AMOT: variants seen among roughly 807,000 people sequenced by gnomAD.
AMOT encodes angiomotin.
AMOT carries 11 observed loss-of-function variants against 67.0 expected under a neutral mutation model. The observed-to-expected ratio is 0.16, with a 90% CI of 0.10 to 0.27. The LOEUF is 0.27. Ranked by LOEUF, AMOT falls within the 10% of genes least tolerant of loss-of-function variation. The pLI, the probability that AMOT is intolerant of heterozygous loss-of-function variation, is 1.00. For synonymous variants in AMOT, 326 were observed against 321.4 expected, an observed-to-expected ratio of 1.01 and a Z score of -0.15; for missense variants, 753 against 852.0, an observed-to-expected ratio of 0.88 and a Z score of 1.45.
intron 8 of AMOT, among the ~76,000 whole-genome samples, chrX:112,795,250 G>A (rs7066824): frequency 1.2e-5 from 1 of 86,064 alleles, no homozygotes; most frequent in Non-Finnish European, 2.2e-5. Context: ...CTCTCTCTCT[G>A]TGTGTGTGTG....
At chrX:112,781,180 G>A (rs772413002) in intron 11 of AMOT, 62 bp from the exon 12 acceptor site, 21 of 1,057,344 alleles carry the variant, frequency 2.0e-5, no homozygotes, top group South Asian at 1.2e-4. Flanking sequence ...GGTGGCTTAC[G>A]CCTGTAATCC....
intron 7 of AMOT, among the ~76,000 whole-genome samples, chrX:112,807,261 T>G (rs184181698): frequency 9.1e-6 from 1 of 110,323 alleles, no homozygotes; most frequent in East Asian, 2.9e-4. Context: ...ACAGGCTCAC[T>G]AAAAGACTGA....
Position 112,792,236 on chromosome X carries a change from A to G in AMOT, c.1777-255T>C, listed in dbSNP as rs887171877. Among the ~76,000 whole-genome samples, 18 of 112,241 alleles carry G rather than the reference A, an allele frequency of 1.6e-4. No individual in the cohort carries two copies. In the East Asian group the frequency reaches 5.1e-3, roughly 32 times the overall value. ...TTCTTCCCTATCTCTATACCTTCCC[A>G]AAGTCTACTCTTATCAGTACCATCT... On this transcript the variant is annotated intron_variant, in intron 8 of 13. Transcript: ENST00000371959.
At chrX:112,840,091 C>G (rs1297058890) in intron 1 of AMOT, among the ~76,000 whole-genome samples, 1 of 111,621 alleles carries the variant, frequency 9.0e-6, no homozygotes, top group East Asian at 2.8e-4. Context: ...GAGATAAGCA[C>G]TGACATGCAT....
intron 8 of AMOT, among the ~76,000 whole-genome samples, chrX:112,799,695 T>C (rs867298662): frequency 2.0e-4 from 22 of 111,634 alleles, no homozygotes; most frequent in African/African-American, 7.2e-4. Context: ...TGTGGTCCAC[T>C]GGTAGATATT....
At chrX:112,808,692 G>A (rs1241223792) in intron 7 of AMOT, among the ~76,000 whole-genome samples, 1 of 111,955 alleles carries the variant, frequency 8.9e-6, no homozygotes, top group African/African-American at 3.2e-5. Context: ...GTATGATCTA[G>A]CTGATCCAGA....
rs1424143298 is a variant in AMOT at position 112,787,843 on chromosome X, G to C, written c.2117+2749C>G. On this transcript the variant is annotated intron_variant, in intron 10 of 13. Transcript: ENST00000371959. The stretch of plus-strand genomic sequence containing the variant: ...CATTGAAATGTGGCACCAGATTTAG[G>C]GATATAATTTATACATTTAGAAATT... Among the ~76,000 whole-genome samples, 3 of 111,540 alleles carry C rather than the reference G, an allele frequency of 2.7e-5. No homozygotes were observed. The Admixed American group carries it at 2.9e-4, about 11-fold the overall frequency.
chrX:112,785,425 A>T (rs1239037205), intron 10 of AMOT, among the ~76,000 whole-genome samples: 1 of 111,850 alleles, frequency 8.9e-6, no homozygotes, highest in Non-Finnish European at 1.9e-5. Flanking sequence ...TTAATATGTG[A>T]ACTCTACGTA....
At chrX:112,791,004 C>T (rs1191660062) in intron 9 of AMOT, among the ~76,000 whole-genome samples, 3 of 111,485 alleles carry the variant, frequency 2.7e-5, no homozygotes, top group Non-Finnish European at 5.6e-5. Flanking sequence ...TCATATCAAA[C>T]TGTCATGCTA....
In AMOT at chrX:112,840,718, G is replaced by C. The variant is rs1390898362; in HGVS notation, c.-555C>G. 8.8e-6 allele frequency: 1 copy of C among 113,275 alleles called. No homozygotes were observed. Among genetic ancestry groups the C allele is most frequent in the East Asian group, 2.8e-4 (1 of 3,600 alleles). 9.3% of individuals were successfully genotyped at this position (113,275 alleles called of 1,213,427 possible). Reference sequence around the variant, plus strand: ...AGAACTAAGAGAAGAGGAGGCGAAAGAGAGCGGAGATGGAGGAGTAATTCA... The same window carrying C: ...AGAACTAAGAGAAGAGGAGGCGAAACAGAGCGGAGATGGAGGAGTAATTCA... On this transcript the variant is annotated 5_prime_UTR_variant, in exon 1 of 14. Coordinates refer to ENST00000371959, the MANE Select transcript of AMOT (RefSeq NM_001113490.2).
chrX:112,815,819 T>C lies in AMOT; in HGVS notation c.931A>G (p.Thr311Ala), dbSNP rs1385515811. ...GACCCCCCAGAGGTCAGAGAAGAAG[T>C]AGGGCTGTGAGGCTGCGAGTTCCTG... Reference protein sequence around the residue: ...SARNSQPHSPTSSLTSGGSLP... With the variant: ...SARNSQPHSPASSLTSGGSLP... Residue 311 changes from threonine (T) to alanine (A), a missense_variant, in exon 5 of 14, where the codon ACT becomes GCT. Thr to Ala is a moderately conservative substitution (Grantham distance 58). Around this residue, in one of 5 missense-constraint regions of AMOT, gnomAD observed 297 missense variants for 284.3 expected, o/e 1.04. Coordinates refer to ENST00000371959, the MANE Select transcript of AMOT (RefSeq NM_001113490.2). The C allele has an allele frequency of 8.6e-7, 1 of 1,166,703 alleles. No individual in the cohort carries two copies.
chrX:112,818,458 G>A (rs1202301539), intron 4 of AMOT, among the ~76,000 whole-genome samples: 1 of 111,777 alleles, frequency 8.9e-6, no homozygotes, highest in African/African-American at 3.3e-5. Context: ...CCCCAGGCTG[G>A]AAAAGGAAGC....
At chrX:112,827,420 A>G (rs1288613835) in intron 2 of AMOT, among the ~76,000 whole-genome samples, 2 of 112,343 alleles carry the variant, frequency 1.8e-5, no homozygotes, top group Non-Finnish European at 1.9e-5. Flanking sequence ...TGTTTCATGC[A>G]CAAGAACTAA....
chrX:112,795,608 A>G (rs990905182), intron 8 of AMOT, among the ~76,000 whole-genome samples: 3 of 110,756 alleles, frequency 2.7e-5, no homozygotes, highest in Non-Finnish European at 5.7e-5. Context: ...ACTCCAAAAT[A>G]TTTACAATAT....
At chrX:112,797,951 C>A (rs748466757) in intron 8 of AMOT, among the ~76,000 whole-genome samples, 1 of 111,531 alleles carries the variant, frequency 9.0e-6, no homozygotes, top group Non-Finnish European at 1.9e-5. Context: ...ACTGCTAGCA[C>A]ACCCATTCAA....
At chrX:112,814,010 C>T (rs759403489) in intron 5 of AMOT, among the ~76,000 whole-genome samples, 176 of 111,990 alleles carry the variant, frequency 1.6e-3, no homozygotes, top group Non-Finnish European at 2.7e-3. Context: ...CAGTGGCTCA[C>T]GCCTATAATC....
At chrX:112,795,502 T>C (rs1933780438) in intron 8 of AMOT, among the ~76,000 whole-genome samples, 1 of 111,329 alleles carries the variant, frequency 9.0e-6, no homozygotes. Flanking sequence ...GCAGCCCAAA[T>C]CCAGCCATGT....
chrX:112,819,651 GC>G (rs1358965525), intron 4 of AMOT, among the ~76,000 whole-genome samples: 1 of 112,465 alleles, frequency 8.9e-6, no homozygotes, highest in East Asian at 2.8e-4. Context: ...TATTCAGATA[GC>G]CTTTGCCTTG....
At position 112,790,625 on chromosome X, in the gene AMOT, G is replaced by A; in HGVS notation, c.2084C>T (p.Ala695Val). The A allele has an allele frequency of 1.7e-6, 2 of 1,208,758 alleles. No individual in the cohort carries two copies. The highest frequency in any genetic ancestry group is 2.2e-6 in the Non-Finnish European group (2 of 894,043). The change falls in exon 10 of 14, where the codon GCT becomes GTT. Residue 695 changes from alanine (A) to valine (V), a missense_variant. Ala to Val is a moderately conservative substitution (Grantham distance 64). Transcript: ENST00000371959. ...YLEENVMRHF[A>V]LDAAATVAAQ... ...AGCCACAGTTGCAGCAGCATCCAGA[G>A]CAAAATGTCTCATCACATTCTCCTC...
Sources: gnomAD v4.1 joint callset for allele counts (sites outside exome capture counted in the v4.1 genomes callset) on GRCh38, gnomAD v4.1.1 for gene constraint, gnomAD v4.1.1 regional missense constraint, MANE v1.5 for transcripts, NCBI Gene and HGNC (gene_info 2026-07-23, HGNC 2026-07-21) for gene names.